TMEM163: variants seen among roughly 807,000 people sequenced by gnomAD.
The protein encoded by TMEM163 is transmembrane protein 163.
A neutral mutation model predicts 29.3 loss-of-function variants in TMEM163; 17 were observed. The ratio of observed to expected loss-of-function variants is 0.58; its 90% confidence interval spans 0.40 to 0.87. The LOEUF (loss-of-function observed/expected upper bound fraction) is 0.87, where lower values mean the gene tolerates loss of function less well. Ranked by LOEUF, TMEM163 falls within the 40% of genes least tolerant of loss-of-function variation. TMEM163 has a pLI of 0.00. For missense variants in TMEM163, 303 were observed against 381.5 expected (o/e 0.79, Z 1.71); for synonymous variants, 157 against 160.6 (o/e 0.98, Z 0.17).
intron 4 of TMEM163, among the ~76,000 whole-genome samples, chr2:134,521,948 C>T (rs1356275542): frequency 6.6e-6 from 1 of 152,140 alleles, no homozygotes; most frequent in Non-Finnish European, 1.5e-5. Context: ...GTATGAGAAA[C>T]ATGTAAGGTT....
chr2:134,554,612 TTTC>T (rs1681007765), intron 2 of TMEM163, among the ~76,000 whole-genome samples: 2 of 152,072 alleles, frequency 1.3e-5, no homozygotes, highest in South Asian at 4.2e-4. Context: ...TCAAAACAGA[TTTC>T]AAGTAGACAT....
chr2:134,581,546 A>AT (rs1231555353), intron 2 of TMEM163, among the ~76,000 whole-genome samples: 1 of 152,150 alleles, frequency 6.6e-6, no homozygotes, highest in Non-Finnish European at 1.5e-5. Context: ...CTCTGGCTGC[A>AT]TTGCTGCACT....
At chr2:134,677,908 C>T (rs1684150747) in intron 2 of TMEM163, among the ~76,000 whole-genome samples, 2 of 152,180 alleles carry the variant, frequency 1.3e-5, no homozygotes, top group South Asian at 4.1e-4. Flanking sequence ...ATGAGTTCTC[C>T]ACATACAGTT....
chr2:134,550,829 G>A (rs905299495), intron 3 of TMEM163, among the ~76,000 whole-genome samples, 168 bp from the exon 4 acceptor site: 9 of 152,214 alleles, frequency 5.9e-5, no homozygotes, highest in South Asian at 2.1e-4. Context: ...TGCCTGGGGC[G>A]TCTGGAGCTC....
intron 2 of TMEM163, among the ~76,000 whole-genome samples, chr2:134,667,806 G>C (rs1239424888): frequency 1.3e-5 from 2 of 152,218 alleles, no homozygotes; most frequent in East Asian, 3.8e-4. Context: ...TAGTCACACA[G>C]TTAATCGTTA....
intron 2 of TMEM163, among the ~76,000 whole-genome samples, chr2:134,583,069 T>G (rs1681732372): frequency 6.6e-6 from 1 of 152,314 alleles, no homozygotes; most frequent in East Asian, 1.9e-4. Flanking sequence ...GAGAAGAACT[T>G]CATTTCTGCT....
At chr2:134,484,664 C>T (rs1229846043) in intron 5 of TMEM163, among the ~76,000 whole-genome samples, 1 of 152,190 alleles carries the variant, frequency 6.6e-6, no homozygotes, top group African/African-American at 2.4e-5. Flanking sequence ...AGACAAATCA[C>T]TGGAGACTAC....
intron 2 of TMEM163, among the ~76,000 whole-genome samples, chr2:134,634,381 C>A (rs1683056857): frequency 6.6e-6 from 1 of 151,000 alleles, no homozygotes; most frequent in African/African-American, 2.5e-5. Context: ...CCATTCTCTC[C>A]ATGTAAGTTG....
intron 2 of TMEM163, among the ~76,000 whole-genome samples, chr2:134,606,453 A>G (rs543905102): frequency 1.3e-5 from 2 of 152,266 alleles, no homozygotes; most frequent in Non-Finnish European, 2.9e-5. Context: ...GGCATCCTTC[A>G]GACCCTGACT....
At chr2:134,585,094 G>T (rs1046751557) in intron 2 of TMEM163, among the ~76,000 whole-genome samples, 4 of 152,230 alleles carry the variant, frequency 2.6e-5, no homozygotes, top group African/African-American at 9.6e-5. Context: ...CACATGTAGA[G>T]ATCTTTATTA....
intron 2 of TMEM163, among the ~76,000 whole-genome samples, chr2:134,656,797 T>A (rs1683631011): frequency 6.6e-6 from 1 of 152,226 alleles, no homozygotes; most frequent in African/African-American, 2.4e-5. Context: ...AGGGTTTTTA[T>A]CATGAAGGGA....
chr2:134,560,342 G>A (rs1023406534), intron 2 of TMEM163, among the ~76,000 whole-genome samples: 2 of 152,140 alleles, frequency 1.3e-5, no homozygotes, highest in East Asian at 1.9e-4. Context: ...GATGTATCCC[G>A]AATGCCAAGA....
At chr2:134,457,693 G>T (rs1354776423) in intron 7 of TMEM163, among the ~76,000 whole-genome samples, 1 of 152,188 alleles carries the variant, frequency 6.6e-6, no homozygotes, top group South Asian at 2.1e-4. Context: ...AGGAAACCAC[G>T]CAAAGGTGCT....
At chr2:134,555,998 G>A (rs555731176) in intron 2 of TMEM163, among the ~76,000 whole-genome samples, 1 of 152,320 alleles carries the variant, frequency 6.6e-6, no homozygotes, top group African/African-American at 2.4e-5. Context: ...GAGAACCTGT[G>A]CCAAGTTTTT....
At chr2:134,601,720 AC>A (rs1682240212) in intron 2 of TMEM163, among the ~76,000 whole-genome samples, 1 of 152,238 alleles carries the variant, frequency 6.6e-6, no homozygotes, top group Non-Finnish European at 1.5e-5. Context: ...GGAAATAAAA[AC>A]AAAGAACGCC....
intron 2 of TMEM163, among the ~76,000 whole-genome samples, chr2:134,575,618 G>A (rs1364835379): frequency 6.6e-6 from 1 of 152,154 alleles, no homozygotes; most frequent in East Asian, 1.9e-4. Context: ...TGAATGCCCA[G>A]CACCCTAGGA....
intron 2 of TMEM163, among the ~76,000 whole-genome samples, chr2:134,656,227 C>CA (rs1683608469): frequency 1.3e-5 from 2 of 149,484 alleles, no homozygotes. Flanking sequence ...CCCTCCGAGC[C>CA]AGGTGTGGGA....
chr2:134,471,142 A>T (rs1046344181), intron 5 of TMEM163, among the ~76,000 whole-genome samples: 5 of 152,240 alleles, frequency 3.3e-5, no homozygotes, highest in Non-Finnish European at 5.9e-5. Flanking sequence ...ACTGCACTCC[A>T]GCCTGGGCAA....
intron 2 of TMEM163, among the ~76,000 whole-genome samples, chr2:134,552,533 A>C (rs2106508169): frequency 6.6e-6 from 1 of 152,324 alleles, no homozygotes; most frequent in East Asian, 1.9e-4. Flanking sequence ...TTTAAAATCC[A>C]ATGTAGACAC....
Sources: allele counts gnomAD v4.1 joint callset (sites outside exome capture counted in the v4.1 genomes callset), GRCh38; gene constraint gnomAD v4.1.1; transcripts MANE v1.5; gene names NCBI Gene and HGNC (gene_info 2026-07-23, HGNC 2026-07-21).